The following TAOK3 variants were observed in gnomAD, a reference collection of about 807,000 sequenced individuals.
TAOK3 encodes TAO kinase 3.
In TAOK3, 40 loss-of-function variants were observed where a neutral mutation model predicts 120.4. The ratio of observed to expected loss-of-function variants is 0.33; its 90% CI spans 0.26 to 0.43. The LOEUF is 0.43. Among genes scored for constraint, TAOK3 ranks in the 20% least tolerant of loss-of-function variants. TAOK3 has a pLI of 1.00. For synonymous variants in TAOK3, 355 were observed against 387.5 expected, an observed-to-expected ratio of 0.92 and a Z score of 0.99; for missense variants, 821 against 1,112.1, an observed-to-expected ratio of 0.74 and a Z score of 3.72.
chr12:118,210,465 A>G (rs1268182876), intron 11 of TAOK3, among the ~76,000 whole-genome samples: 3 of 152,000 alleles, frequency 2.0e-5, no homozygotes, highest in African/African-American at 7.3e-5. Flanking sequence ...TGGTTTTTCC[A>G]CCCCAAAATA....
chr12:118,172,373 A>T (rs2036048236), intron 17 of TAOK3, 84 bp downstream of exon 17: 6 of 1,427,952 alleles, frequency 4.2e-6, no homozygotes, highest in Admixed American at 1.7e-5. Flanking sequence ...GGATATAGGA[A>T]TGGACCAGGC....
chr12:118,272,530 A>C (rs193264424), intron 1 of TAOK3, among the ~76,000 whole-genome samples: 1,786 of 152,278 alleles, frequency 0.012, 34 homozygotes, highest in African/African-American at 0.04. Context: ...TTCAGTATTA[A>C]TAAAGTAAAT....
At chr12:118,290,061 T>A (rs191018973) in intron 1 of TAOK3, among the ~76,000 whole-genome samples, 1 of 152,132 alleles carries the variant, frequency 6.6e-6, no homozygotes, top group African/African-American at 2.4e-5. Context: ...TGATTTTAAA[T>A]ACTCTTTAAA....
At chr12:118,159,315 T>A (rs548497981) in intron 19 of TAOK3, among the ~76,000 whole-genome samples, 30 of 143,626 alleles carry the variant, frequency 2.1e-4, no homozygotes, top group East Asian at 1.2e-3. Flanking sequence ...TCACTCACTT[T>A]TTTTTTTTTT....
chr12:118,212,828 G>C, intron 11 of TAOK3, 86 bp downstream of exon 11: 1 of 929,418 alleles, frequency 1.1e-6, no homozygotes, highest in Non-Finnish European at 1.6e-6. Flanking sequence ...ACTTTGTCAT[G>C]ATGAGCTGCC....
At chr12:118,196,841 T>C (rs1052180429) in intron 13 of TAOK3, among the ~76,000 whole-genome samples, 1 of 148,880 alleles carries the variant, frequency 6.7e-6, no homozygotes, top group African/African-American at 2.6e-5. Flanking sequence ...TGAGCATCTA[T>C]GCTGCGCCAG....
rs1407571293 is a variant in TAOK3 at position 118,189,529 on chromosome 12, GACACAGACACACACACACACACAC to G, written c.1329+254_1329+277del. On this transcript the variant is annotated intron_variant, in intron 14 of 20. Coordinates refer to ENST00000392533, the MANE Select transcript of TAOK3 (RefSeq NM_016281.4). ...CATACAGCATATACAAACACACACA[GACACAGACACACACACACACACAC>G]ACACACACACACACACACACACACA... 7.2e-5 allele frequency among the ~76,000 whole-genome samples: 6 copies of G among 83,326 alleles called. No individual in the cohort carries two copies. The East Asian group carries it at 2.2e-3, about 30-fold the overall frequency. The allele number at this position is 83,326 out of a possible 152,430, so 54.7% of individuals were successfully genotyped here.
At chr12:118,286,417 C>T (rs1480032892) in intron 1 of TAOK3, among the ~76,000 whole-genome samples, 2 of 152,016 alleles carry the variant, frequency 1.3e-5, no homozygotes, top group Non-Finnish European at 2.9e-5. Context: ...AGGCTAAGGA[C>T]ATGAATAGAC....
chr12:118,230,333 A>G (rs2039708305), intron 9 of TAOK3, among the ~76,000 whole-genome samples: 1 of 152,074 alleles, frequency 6.6e-6, no homozygotes, highest in African/African-American at 2.4e-5. Context: ...TCCCTGCAAC[A>G]ATACCATATG....
intron 1 of TAOK3, among the ~76,000 whole-genome samples, chr12:118,324,060 G>A (rs945868811): frequency 6.6e-6 from 1 of 152,130 alleles, no homozygotes; most frequent in Non-Finnish European, 1.5e-5. Context: ...TGTCTGCTGA[G>A]CTAACAAAAA....
chr12:118,303,053 T>C (rs1023522268), intron 1 of TAOK3, among the ~76,000 whole-genome samples: 5 of 152,298 alleles, frequency 3.3e-5, no homozygotes, highest in Admixed American at 3.3e-4. Context: ...ACAAAGTACC[T>C]GACACCACTC....
At chr12:118,303,696 G>T (rs2042952555) in intron 1 of TAOK3, among the ~76,000 whole-genome samples, 1 of 152,148 alleles carries the variant, frequency 6.6e-6, no homozygotes, top group South Asian at 2.1e-4. Flanking sequence ...CACCCAGGCT[G>T]GAGTGCAATG....
chr12:118,347,352 T>C (rs1314140190), intron 1 of TAOK3, among the ~76,000 whole-genome samples: 1 of 152,124 alleles, frequency 6.6e-6, no homozygotes, highest in African/African-American at 2.4e-5. Context: ...ACCTTCTCAC[T>C]TCATTAATGC....
At chr12:118,257,014 A>C (rs1484005319) in intron 2 of TAOK3, among the ~76,000 whole-genome samples, 1 of 152,188 alleles carries the variant, frequency 6.6e-6, no homozygotes, top group East Asian at 1.9e-4. Context: ...GCAGCACTAA[A>C]ACCTTATATA....
intron 14 of TAOK3, 94 bp downstream of exon 14, chr12:118,189,713 T>A: frequency 6.9e-7 from 1 of 1,450,050 alleles, no homozygotes; most frequent in South Asian, 1.2e-5. Context: ...TTTCCTCCCA[T>A]CCATGAAGCC....
chr12:118,157,140 AC>A (rs1238453090), intron 19 of TAOK3, among the ~76,000 whole-genome samples: 4 of 151,724 alleles, frequency 2.6e-5, no homozygotes, highest in African/African-American at 7.3e-5. Context: ...TCTACCTCCC[AC>A]CAAATTTAGT....
chr12:118,318,413 C>T (rs2043563404), intron 1 of TAOK3, among the ~76,000 whole-genome samples: 1 of 152,152 alleles, frequency 6.6e-6, no homozygotes, highest in Non-Finnish European at 1.5e-5. Flanking sequence ...GCCTCAGCCT[C>T]CCAAAGTGCT....
At chr12:118,203,444 G>A (rs1361287815) in intron 11 of TAOK3, among the ~76,000 whole-genome samples, 4 of 152,058 alleles carry the variant, frequency 2.6e-5, no homozygotes, top group African/African-American at 9.7e-5. Context: ...GGTGGCTCAC[G>A]CCTATAATCC....
intron 9 of TAOK3, 143 bp from the exon 10 acceptor site, chr12:118,214,253 C>A (rs3825095): frequency 4.8e-6 from 3 of 625,944 alleles, no homozygotes; most frequent in Non-Finnish European, 7.9e-6. Context: ...ATTTTAATCT[C>A]TAAGGTTGGC....
Sources: allele counts gnomAD v4.1 joint callset (sites outside exome capture counted in the v4.1 genomes callset), GRCh38; gene constraint gnomAD v4.1.1; transcripts MANE v1.5; gene names NCBI Gene and HGNC (gene_info 2026-07-23, HGNC 2026-07-21).